PPL: variants seen among roughly 807,000 people sequenced by gnomAD.
The protein encoded by PPL is 190 kDa paraneoplastic pemphigus antigen.
In PPL, 198 loss-of-function variants were observed where a neutral mutation model predicts 194.4. The observed-to-expected ratio is 1.02, with a 90% CI of 0.91 to 1.15. PPL has a LOEUF of 1.15. Among genes scored for constraint, PPL ranks in the 50% most tolerant of loss-of-function variants. PPL has a pLI of 0.00. For synonymous variants in PPL, 1,220 were observed against 972.4 expected (o/e 1.25, Z -4.74); for missense variants, 2,885 against 2,294.8 (o/e 1.26, Z -5.25).
At chr16:4,928,215 A>T (rs546762389) in intron 1 of PPL, among the ~76,000 whole-genome samples, 42 of 152,342 alleles carry the variant, frequency 2.8e-4, no homozygotes, top group African/African-American at 9.6e-4. Context: ...CACTTCACTC[A>T]CTGCAGCCTT....
chr16:4,910,699 T>C (rs2088801370), intron 2 of PPL, 151 bp downstream of exon 2: 2 of 693,574 alleles, frequency 2.9e-6, no homozygotes, highest in Non-Finnish European at 5.1e-6. Flanking sequence ...AGGACCTTCC[T>C]TCCAAGCAGT....
In PPL at chr16:4,900,840, T is replaced by C; in HGVS notation, c.596A>G (p.Gln199Arg). ...EQNSELRAKY[Q>R]KLLAASQARQ... ...CAGGGAGCTCCTCACCAGCAGTTTC[T>C]GGTACTTGGCCCGGAGTTCGCTGTT... The change falls in exon 6 of 22, where the codon CAG becomes CGG. Residue 199 changes from glutamine (Q) to arginine (R), a missense_variant. Transcript: ENST00000345988. The C allele has an allele frequency of 1.2e-6, 2 of 1,614,134 alleles. No homozygotes were observed. The highest frequency in any genetic ancestry group is 1.7e-6 in the Non-Finnish European group (2 of 1,180,006).
intron 1 of PPL, among the ~76,000 whole-genome samples, chr16:4,918,787 G>A (rs140426672): frequency 3.3e-4 from 51 of 152,324 alleles, no homozygotes; most frequent in African/African-American, 1.2e-3. Context: ...AATCAACCAT[G>A]TGTGCCCCTT....
chr16:4,884,383 C>T lies in PPL; in HGVS notation c.4272G>A (p.Gln1424=), dbSNP rs1200396544. The T allele has an allele frequency of 6.2e-7, 1 of 1,611,500 alleles. No homozygotes were observed. Among genetic ancestry groups the T allele is most frequent in the Non-Finnish European group, 8.5e-7 (1 of 1,179,590 alleles). ...REAEREVQRL[Q]QRLAALEQEE... ...CCTGCTCCAGCGCTGCCAGCCGCTG[C>T]TGCAACCGCTGTACCTCGCGCTCGG... The change falls in exon 22 of 22, where the codon CAG becomes CAA. Residue 1424 remains glutamine (Q), a synonymous_variant. Transcript: ENST00000345988. This position sits in a 1 kb window ranked among gnomAD's most constrained non-coding sequence, Gnocchi z 5.7.
intron 1 of PPL, among the ~76,000 whole-genome samples, chr16:4,921,151 C>T (rs2089042024): frequency 6.6e-6 from 1 of 152,220 alleles, no homozygotes; most frequent in South Asian, 2.1e-4. Flanking sequence ...TGAGCAGTCT[C>T]ACAGAGCCCC....
chr16:4,924,140 C>T (rs2089110145), intron 1 of PPL, among the ~76,000 whole-genome samples: 1 of 152,144 alleles, frequency 6.6e-6, no homozygotes, highest in Non-Finnish European at 1.5e-5. Context: ...AGAAACTGAA[C>T]CTGAGCCACA....
chr16:4,925,121 G>A (rs991162382), intron 1 of PPL, among the ~76,000 whole-genome samples: 5 of 152,168 alleles, frequency 3.3e-5, no homozygotes, highest in Non-Finnish European at 7.3e-5. Context: ...TGGAATGTCT[G>A]GAACGCACAG....
chr16:4,884,017 C>T lies in PPL; in HGVS notation c.4638G>A (p.Glu1546=). ...ATGACTTGGAGTTATGGAATTCCAG[C>T]TCCGAAAGCCTGGCTTCCAGCCGGC... ...EVSRLEARLS[E]LEFHNSKSSK... The change falls in exon 22 of 22, where the codon GAG becomes GAA. Residue 1546 remains glutamate (E), a synonymous_variant. Transcript: ENST00000345988. This position sits in a 1 kb window ranked among gnomAD's most constrained non-coding sequence, Gnocchi z 5.7. 6.2e-7 allele frequency: 1 copy of T among 1,613,864 alleles called. No individual in the cohort carries two copies. The highest frequency in any genetic ancestry group is 1.1e-5 in the South Asian group (1 of 91,082).
At chr16:4,903,020 A>G (rs1370804930) in intron 3 of PPL, among the ~76,000 whole-genome samples, 1 of 151,958 alleles carries the variant, frequency 6.6e-6, no homozygotes, top group East Asian at 1.9e-4. Context: ...TCCTTCCCCC[A>G]TCAGTTTCCT....
chr16:4,884,655 C>T lies in PPL; in HGVS notation c.4000G>A (p.Glu1334Lys), dbSNP rs764758086. The T allele has an allele frequency of 1.4e-5, 22 of 1,614,082 alleles. No homozygotes were observed. In the East Asian group the frequency reaches 3.8e-4, roughly 28 times the overall value. Residue 1334 changes from glutamate to lysine, a missense_variant, in exon 22 of 22, where the codon GAG becomes AAG. Coordinates refer to ENST00000345988, the MANE Select transcript of PPL (RefSeq NM_002705.5). The surrounding 1 kb of genome is among the most constrained non-coding windows in gnomAD (Gnocchi z 5.7). ...DLERERASQE[E>K]QIARKEEELS... ...TCCTCCTCTTTCCGGGCGATCTGCT[C>T]TTCCTGGGAAGCTCTTTCCCTCTCC...
rs147945479 is a variant in PPL, at chr16:4,893,572, C to G, written c.1461G>C (p.Arg487=). Residue 487 remains arginine (R), a synonymous_variant, in exon 13 of 22, where the codon CGG becomes CGC. Transcript: ENST00000345988. ...GATTCTCGGTCTTCAGCACCTCATACCGCTGCTGCAGCGTGCGTTTGCTCC... is the reference window on the plus strand; with the variant it reads ...GATTCTCGGTCTTCAGCACCTCATAGCGCTGCTGCAGCGTGCGTTTGCTCC... ...AAGSKRTLQQ[R]YEVLKTENPG... is the part of the protein sequence containing the mutation. 143 of 1,612,332 alleles carry G rather than the reference C, an allele frequency of 8.9e-5. 1 individual carries two copies. In the African/African-American group the frequency reaches 1.7e-3, roughly 20 times the overall value.
At chr16:4,901,384 A>G (rs2088567505) in intron 4 of PPL, among the ~76,000 whole-genome samples, 2 of 152,194 alleles carry the variant, frequency 1.3e-5, no homozygotes, top group African/African-American at 4.8e-5. Context: ...GCCCAGGGTC[A>G]CGCCAGTAAC....
In PPL at chr16:4,925,024, G is replaced by A. The variant is rs2089130056; in HGVS notation, c.62+11960C>T. Among the ~76,000 whole-genome samples, 4 of 152,164 alleles carry A rather than the reference G, an allele frequency of 2.6e-5. No homozygotes were observed. The South Asian group carries it at 8.3e-4, about 32-fold the overall frequency. On this transcript the variant is annotated intron_variant, in intron 1 of 21. Transcript: ENST00000345988. ...GGCTCAGCACTCCCTGCCTGGCCAG[G>A]GCCACTGGCCTTTGATCACATCTGC...
In PPL at chr16:4,889,040, T is replaced by C. The variant is rs1193264971; in HGVS notation, c.2335A>G (p.Ser779Gly). The C allele has an allele frequency of 1.2e-6, 2 of 1,613,662 alleles. No individual in the cohort carries two copies. Among genetic ancestry groups the C allele is most frequent in the East Asian group, 2.2e-5 (1 of 44,888 alleles). Residue 779 changes from serine (S) to glycine (G), a missense_variant, in exon 19 of 22, where the codon AGT (serine) becomes GGT (glycine). Physicochemically the swap from Ser to Gly is moderately conservative, Grantham distance 56. Transcript: ENST00000345988. ...ATCTTCTGTACTTCCTGCTCCCTAC[T>C]TGCTATCTCATCTAGCAGGTTCTGT... Reference protein sequence around the residue: ...NQKNLLDEIASREQEVQKICA... With the variant: ...NQKNLLDEIAGREQEVQKICA...
At chr16:4,909,702 C>T (rs548319340) in intron 2 of PPL, among the ~76,000 whole-genome samples, 37 of 152,254 alleles carry the variant, frequency 2.4e-4, no homozygotes, top group African/African-American at 7.5e-4. Context: ...ACTGGGATTA[C>T]GGCCGTGTGA....
chr16:4,896,464 G>A (rs543363401), intron 9 of PPL, among the ~76,000 whole-genome samples: 5 of 152,128 alleles, frequency 3.3e-5, no homozygotes, highest in African/African-American at 7.2e-5. Context: ...GATGCTCAGT[G>A]AGAGAAGCCA....
intron 1 of PPL, among the ~76,000 whole-genome samples, chr16:4,929,852 A>ATTT (rs780244720): frequency 7.1e-6 from 1 of 140,736 alleles, no homozygotes; most frequent in African/African-American, 2.6e-5. Flanking sequence ...TGCCCAGCTA[A>ATTT]TTTTTTTTTT....
chr16:4,885,431 T>G lies in PPL; in HGVS notation c.3224A>C (p.Glu1075Ala). 6.2e-7 allele frequency: 1 copy of G among 1,612,658 alleles called. No homozygotes were observed. Among genetic ancestry groups the G allele is most frequent in the African/African-American group, 1.3e-5 (1 of 75,028 alleles). The change falls in exon 22 of 22, where the codon GAG becomes GCG. Residue 1075 changes from glutamate (E) to alanine (A), a missense_variant. By Grantham distance (107) the Glu-to-Ala change is moderately radical. Coordinates refer to ENST00000345988, the MANE Select transcript of PPL (RefSeq NM_002705.5). This position sits in a 1 kb window ranked among gnomAD's most constrained non-coding sequence, Gnocchi z 6.3. Reference protein sequence around the residue: ...QLEAEYQQLQEDHQRQDQLRE... With the variant: ...QLEAEYQQLQADHQRQDQLRE... ...GAGCTGGTCCTGGCGCTGGTGGTCC[T>G]CCTGCAGCTGCTGGTACTCTGCCTC...
At chr16:4,907,134 C>T (rs541195410) in intron 2 of PPL, among the ~76,000 whole-genome samples, 3 of 148,956 alleles carry the variant, frequency 2.0e-5, no homozygotes, top group African/African-American at 4.9e-5. Flanking sequence ...TAGTAGCATG[C>T]GCCTGTAGTC....
Sources: allele counts gnomAD v4.1 joint callset (sites outside exome capture counted in the v4.1 genomes callset), GRCh38; gene constraint gnomAD v4.1.1; non-coding constraint Gnocchi (gnomAD v3.1); transcripts MANE v1.5; gene names NCBI Gene and HGNC (gene_info 2026-07-23, HGNC 2026-07-21).